The following SGCZ variants were observed in gnomAD, a reference collection of about 807,000 sequenced individuals.
SGCZ encodes the protein zeta-sarcoglycan.
In SGCZ, 40 loss-of-function variants were observed where a neutral mutation model predicts 41.3. That is an observed-to-expected ratio of 0.97 (90% confidence interval 0.75 to 1.26). SGCZ has a LOEUF of 1.26. Ranked by LOEUF, SGCZ falls within the 50% of genes most tolerant of loss-of-function variation. SGCZ has a pLI of 0.00. For synonymous variants in SGCZ, 206 were observed against 137.5 expected, an observed-to-expected ratio of 1.50 and a Z score of -3.49; for missense variants, 552 against 369.8, an observed-to-expected ratio of 1.49 and a Z score of -4.04.
In SGCZ at chr8:14,283,473, G is replaced by A. The variant is rs148495638; in HGVS notation, c.336+40630C>T. On this transcript the variant is annotated intron_variant, in intron 3 of 7. Coordinates refer to ENST00000382080, the MANE Select transcript of SGCZ (RefSeq NM_139167.4). Reference sequence around the variant, plus strand: ...AATGTCATTATCCGTATGTGCTCTCGATTCTTACCTTGTAATTTCTCAACA... The same window carrying A: ...AATGTCATTATCCGTATGTGCTCTCAATTCTTACCTTGTAATTTCTCAACA... 6.6e-3 allele frequency among the ~76,000 whole-genome samples: 1,011 copies of A among 152,160 alleles called. 17 individuals carry two copies. The highest frequency in any genetic ancestry group is 0.022 in the African/African-American group (926 of 41,502).
chr8:14,330,249 A>G (rs755323999), intron 2 of SGCZ, among the ~76,000 whole-genome samples: 2 of 152,092 alleles, frequency 1.3e-5, no homozygotes, highest in Non-Finnish European at 2.9e-5. Context: ...CATCTTACAT[A>G]ATCCTTCCAA....
At chr8:14,596,818 C>A (rs1230537105) in intron 1 of SGCZ, among the ~76,000 whole-genome samples, 2 of 152,004 alleles carry the variant, frequency 1.3e-5, no homozygotes, top group South Asian at 4.2e-4. Context: ...GCACATGTAT[C>A]CTGGAAATTA....
chr8:14,166,813 A>T (rs558387712), intron 4 of SGCZ, among the ~76,000 whole-genome samples: 6 of 152,318 alleles, frequency 3.9e-5, no homozygotes, highest in Admixed American at 2.6e-4. Context: ...GTGTCTGGAT[A>T]TGGTGAAGTG....
chr8:14,831,632 A>ATGTG lies in SGCZ; in HGVS notation c.40-276710_40-276707dup, dbSNP rs142488527. 2.3e-3 allele frequency among the ~76,000 whole-genome samples: 354 copies of ATGTG among 150,844 alleles called. 1 individual carries two copies. Among genetic ancestry groups the ATGTG allele is most frequent in the African/African-American group, 8.2e-3 (337 of 40,852 alleles). The stretch of plus-strand genomic sequence containing the variant: ...TGTGTGTGTGTACACATAGACACAT[A>ATGTG]TGTGTGTGTGTGTATATATATATAT... On this transcript the variant is annotated intron_variant, in intron 1 of 7. Transcript: ENST00000382080.
At chr8:14,857,347 C>T (rs1158273771) in intron 1 of SGCZ, among the ~76,000 whole-genome samples, 2 of 152,098 alleles carry the variant, frequency 1.3e-5, no homozygotes, top group Non-Finnish European at 2.9e-5. Context: ...AAAACGAATA[C>T]ACTAGATAAT....
At chr8:15,018,012 G>T (rs934506231) in intron 1 of SGCZ, among the ~76,000 whole-genome samples, 1 of 152,160 alleles carries the variant, frequency 6.6e-6, no homozygotes, top group South Asian at 2.1e-4. Context: ...TTACAGGTGT[G>T]AGCCACTGCG....
intron 1 of SGCZ, among the ~76,000 whole-genome samples, chr8:14,610,356 G>T (rs145480960): frequency 6.6e-6 from 1 of 152,154 alleles, no homozygotes; most frequent in Non-Finnish European, 1.5e-5. Context: ...CTTTGATGGA[G>T]AGTCAGAACT....
At chr8:14,697,535 G>A (rs1809003684) in intron 1 of SGCZ, among the ~76,000 whole-genome samples, 2 of 152,114 alleles carry the variant, frequency 1.3e-5, no homozygotes, top group African/African-American at 2.4e-5. Flanking sequence ...GTATAAACTT[G>A]TTCTGCTGAT....
chr8:14,389,016 G>T (rs1002115427), intron 2 of SGCZ, among the ~76,000 whole-genome samples: 1 of 151,572 alleles, frequency 6.6e-6, no homozygotes, highest in Admixed American at 6.6e-5. Context: ...ATAAATAAAA[G>T]ACACTATGAG....
chr8:14,459,829 C>T (rs2116948568), intron 2 of SGCZ, among the ~76,000 whole-genome samples: 1 of 152,138 alleles, frequency 6.6e-6, no homozygotes, highest in Admixed American at 6.6e-5. Flanking sequence ...GCAATATAAT[C>T]AAAAGAAAAC....
chr8:15,171,831 A>G (rs1409179630), intron 1 of SGCZ, among the ~76,000 whole-genome samples: 1 of 152,112 alleles, frequency 6.6e-6, no homozygotes, highest in Admixed American at 6.5e-5. Context: ...TCTCAATTCC[A>G]TCTAAAATCA....
chr8:14,952,730 T>C (rs73666949), intron 1 of SGCZ, among the ~76,000 whole-genome samples: 5,789 of 152,206 alleles, frequency 0.038, 371 homozygotes, highest in African/African-American at 0.13. Flanking sequence ...GGCAGGGACA[T>C]TGATTTTCTT....
At chr8:14,386,895 G>A (rs560681105) in intron 2 of SGCZ, among the ~76,000 whole-genome samples, 158 of 152,234 alleles carry the variant, frequency 1.0e-3, no homozygotes, top group African/African-American at 3.7e-3. Flanking sequence ...ATATTTTGAT[G>A]AATCTTGTAT....
chr8:14,226,389 C>G (rs1423794460), intron 4 of SGCZ, among the ~76,000 whole-genome samples: 1 of 152,004 alleles, frequency 6.6e-6, no homozygotes, highest in South Asian at 2.1e-4. Context: ...CGCTTTGTAC[C>G]TAAACCCTCC....
At chr8:14,447,160 T>G (rs893100183) in intron 2 of SGCZ, among the ~76,000 whole-genome samples, 1 of 152,180 alleles carries the variant, frequency 6.6e-6, no homozygotes. Context: ...GCACTAAGCT[T>G]ATGTTCACTC....
chr8:14,867,261 T>C (rs1182566326), intron 1 of SGCZ, among the ~76,000 whole-genome samples: 1 of 152,142 alleles, frequency 6.6e-6, no homozygotes, highest in Non-Finnish European at 1.5e-5. Context: ...TCTCCATCCA[T>C]ATCCCTGCAA....
At chr8:15,214,795 C>G (rs985598021) in intron 1 of SGCZ, among the ~76,000 whole-genome samples, 1 of 152,062 alleles carries the variant, frequency 6.6e-6, no homozygotes, top group Non-Finnish European at 1.5e-5. Context: ...GCTGATGGTG[C>G]AATTTTAAGG....
chr8:15,016,983 C>T (rs1051323585), intron 1 of SGCZ, among the ~76,000 whole-genome samples: 2 of 152,108 alleles, frequency 1.3e-5, no homozygotes, highest in African/African-American at 4.8e-5. Flanking sequence ...GCAAGCCATT[C>T]CTGAAGGATC....
rs111321335 is a variant in SGCZ, at chr8:15,041,680, T to C, written c.39+195905A>G. Among the ~76,000 whole-genome samples, 895 of 152,232 alleles carry C rather than the reference T, an allele frequency of 5.9e-3. 8 individuals carry two copies. The highest frequency in any genetic ancestry group is 0.021 in the African/African-American group (858 of 41,568). Reference sequence around the variant, plus strand: ...GAAAATAAGAACAAATCATTTTTATTACAGAATCTAAGTGTGAATACACAC... The same window carrying C: ...GAAAATAAGAACAAATCATTTTTATCACAGAATCTAAGTGTGAATACACAC... On this transcript the variant is annotated intron_variant, in intron 1 of 7. Coordinates refer to ENST00000382080, the MANE Select transcript of SGCZ (RefSeq NM_139167.4).
Sources: gnomAD v4.1 joint callset for allele counts (sites outside exome capture counted in the v4.1 genomes callset) on GRCh38, gnomAD v4.1.1 for gene constraint, MANE v1.5 for transcripts, NCBI Gene and HGNC (gene_info 2026-07-23, HGNC 2026-07-21) for gene names.